RBMS3: variants seen among roughly 807,000 people sequenced by gnomAD.
RBMS3 encodes RNA binding motif single stranded interacting protein 3, also known as RNA-binding motif, single-stranded-interacting protein 3.
RBMS3 carries 27 observed loss-of-function variants against 66.8 expected under a neutral mutation model. The observed-to-expected ratio is 0.40, with a 90% CI of 0.30 to 0.56. The LOEUF (loss-of-function observed/expected upper bound fraction) is 0.56, where lower values mean the gene tolerates loss of function less well. Ranked by LOEUF, RBMS3 falls within the 20% of genes least tolerant of loss-of-function variation. RBMS3 has a pLI of 0.40. For missense variants in RBMS3, 513 were observed against 549.5 expected, an observed-to-expected ratio of 0.93 and a Z score of 0.66; for synonymous variants, 188 against 183.0, an observed-to-expected ratio of 1.03 and a Z score of -0.22.
In RBMS3 at chr3:29,828,002, T is replaced by G. The variant is rs146048602; in HGVS notation, c.638-40856T>G. Among the ~76,000 whole-genome samples the G allele has an allele frequency of 2.9e-3, 434 of 152,186 alleles. 1 individual carries two copies. The highest frequency in any genetic ancestry group is 9.6e-3 in the African/African-American group (400 of 41,532). On this transcript the variant is annotated intron_variant, in intron 6 of 14. Transcript: ENST00000383767. ...CCTTGATTTCTCAAGAGTAGCTCAG[T>G]TCATATATTTTTGCTTCAGTAAGAC...
intron 4 of RBMS3, among the ~76,000 whole-genome samples, chr3:29,702,564 A>G (rs1211795661): frequency 2.0e-5 from 3 of 152,194 alleles, no homozygotes; most frequent in Admixed American, 1.3e-4. Flanking sequence ...AGTCCACACC[A>G]TCTTTATGAG....
At chr3:29,511,696 CT>C in intron 3 of RBMS3, among the ~76,000 whole-genome samples, 1 of 152,110 alleles carries the variant, frequency 6.6e-6, no homozygotes, top group East Asian at 1.9e-4. Flanking sequence ...AATAACACCC[CT>C]TTTGCCTTTA....
chr3:29,959,977 C>T (rs1411345647), intron 12 of RBMS3, among the ~76,000 whole-genome samples: 2 of 152,098 alleles, frequency 1.3e-5, no homozygotes, highest in African/African-American at 4.8e-5. Context: ...CCCGGCCCCT[C>T]CCAAATCTCA....
intron 2 of RBMS3, among the ~76,000 whole-genome samples, chr3:29,439,223 G>C (rs2041518169): frequency 6.6e-6 from 1 of 152,124 alleles, no homozygotes; most frequent in Non-Finnish European, 1.5e-5. Context: ...TTAGAAGCTT[G>C]ATTTATCTTA....
At chr3:29,589,276 A>T (rs1391523132) in intron 4 of RBMS3, among the ~76,000 whole-genome samples, 1 of 151,986 alleles carries the variant, frequency 6.6e-6, no homozygotes, top group Non-Finnish European at 1.5e-5. Context: ...CTAATCACTG[A>T]TATCTCACCT....
At chr3:29,472,336 C>T (rs1268263938) in intron 2 of RBMS3, among the ~76,000 whole-genome samples, 3 of 152,004 alleles carry the variant, frequency 2.0e-5, no homozygotes, top group Non-Finnish European at 2.9e-5. Flanking sequence ...GCTAGGATTA[C>T]AGGCGCCCGC....
At chr3:29,469,065 A>G (rs144357715) in intron 2 of RBMS3, among the ~76,000 whole-genome samples, 1 of 152,248 alleles carries the variant, frequency 6.6e-6, no homozygotes, top group East Asian at 1.9e-4. Context: ...TTATGACTCA[A>G]TAAGGTTACA....
chr3:29,919,205 G>C (rs1265128367), intron 10 of RBMS3, among the ~76,000 whole-genome samples: 2 of 151,978 alleles, frequency 1.3e-5, no homozygotes, highest in Non-Finnish European at 2.9e-5. Context: ...CAAATCCAGA[G>C]AGCTTTACTG....
rs537152683 is a variant in RBMS3, at chr3:30,001,767, TTTC to T, written c.1308-2086_1308-2084del. Among the ~76,000 whole-genome samples, 422 of 146,974 alleles carry T rather than the reference TTTC, an allele frequency of 2.9e-3. 4 individuals carry two copies. Among genetic ancestry groups the T allele is most frequent in the Non-Finnish European group, 3.4e-3 (231 of 67,816 alleles). On this transcript the variant is annotated intron_variant, in intron 14 of 14. Coordinates refer to ENST00000383767, the MANE Select transcript of RBMS3 (RefSeq NM_001003793.3). ...CACATGAATTCCTGTTTTCAAGTTA[TTTC>T]TTTTTATTTTATTTCTTATTTTATT...
chr3:29,366,060 A>C (rs1490732803), intron 1 of RBMS3, among the ~76,000 whole-genome samples: 1 of 152,222 alleles, frequency 6.6e-6, no homozygotes, highest in Non-Finnish European at 1.5e-5. Flanking sequence ...GTAAGAGTTG[A>C]ACCAACTTTA....
At chr3:29,534,767 G>A (rs916127513) in intron 3 of RBMS3, among the ~76,000 whole-genome samples, 3 of 152,104 alleles carry the variant, frequency 2.0e-5, no homozygotes, top group Non-Finnish European at 2.9e-5. Flanking sequence ...CAGCCTTCAA[G>A]TTCAGTTCTA....
intron 10 of RBMS3, among the ~76,000 whole-genome samples, chr3:29,902,506 T>C (rs1374965840): frequency 6.6e-6 from 1 of 151,840 alleles, no homozygotes; most frequent in Non-Finnish European, 1.5e-5. Context: ...TTGCTTACAT[T>C]GGTACTTATT....
At chr3:29,878,274 C>T (rs1042678092) in intron 7 of RBMS3, among the ~76,000 whole-genome samples, 9 of 152,002 alleles carry the variant, frequency 5.9e-5, no homozygotes, top group African/African-American at 1.2e-4. Context: ...TACTGGTTTG[C>T]GGCCCCAGGG....
intron 3 of RBMS3, among the ~76,000 whole-genome samples, chr3:29,572,694 T>A (rs2046988206): frequency 1.3e-5 from 2 of 152,232 alleles, no homozygotes; most frequent in Non-Finnish European, 2.9e-5. Flanking sequence ...GATTTTTGTG[T>A]CAATATTAAT....
intron 6 of RBMS3, among the ~76,000 whole-genome samples, chr3:29,804,319 T>A (rs1309560914): frequency 6.6e-6 from 1 of 152,052 alleles, no homozygotes; most frequent in Non-Finnish European, 1.5e-5. Flanking sequence ...TTAGGGAAAT[T>A]AACAGAGGAA....
chr3:29,484,700 A>G (rs1209768580), intron 2 of RBMS3, among the ~76,000 whole-genome samples: 1 of 152,218 alleles, frequency 6.6e-6, no homozygotes, highest in African/African-American at 2.4e-5. Flanking sequence ...TGGCTGATGT[A>G]TTCCATCAGA....
intron 1 of RBMS3, among the ~76,000 whole-genome samples, chr3:29,419,944 G>C (rs1010779272): frequency 1.3e-5 from 2 of 152,052 alleles, no homozygotes; most frequent in Middle Eastern, 3.4e-3. Context: ...TTTTTGCTTT[G>C]GCGATGGATG....
At position 29,368,564 on chromosome 3, in the gene RBMS3, T is replaced by TA. The variant is rs34386292; in HGVS notation, c.76-66168dup. 6.0e-3 allele frequency among the ~76,000 whole-genome samples: 878 copies of TA among 146,964 alleles called. 11 individuals are homozygous for TA. Among genetic ancestry groups the TA allele is most frequent in the African/African-American group, 0.019 (776 of 40,122 alleles). The stretch of plus-strand genomic sequence containing the variant: ...AAAATGAGAGTTCACAAGGAGCTGT[T>TA]AAAAAAAAAAAGGTCTTCACTTTCA... On this transcript the variant is annotated intron_variant, in intron 1 of 14. Transcript: ENST00000383767.
At chr3:29,623,756 A>G (rs2048961873) in intron 4 of RBMS3, among the ~76,000 whole-genome samples, 1 of 152,312 alleles carries the variant, frequency 6.6e-6, no homozygotes, top group South Asian at 2.1e-4. Context: ...AAAAATCCCA[A>G]ATGCCCTTCA....
Sources: allele counts gnomAD v4.1 joint callset (sites outside exome capture counted in the v4.1 genomes callset), GRCh38; gene constraint gnomAD v4.1.1; transcripts MANE v1.5; gene names NCBI Gene and HGNC (gene_info 2026-07-23, HGNC 2026-07-21).